PROM1: variants seen among roughly 807,000 people sequenced by gnomAD.
The protein encoded by PROM1 is prominin-1.
Under a neutral mutation model 116.9 loss-of-function variants are expected in PROM1, and 105 were observed. The ratio of observed to expected loss-of-function variants is 0.90; its 90% CI spans 0.77 to 1.06. PROM1 has a LOEUF of 1.06. Ranked by LOEUF, PROM1 falls within the 50% of genes least tolerant of loss-of-function variation. The pLI, the probability that PROM1 is intolerant of heterozygous loss-of-function variation, is 0.00. For synonymous variants in PROM1, 393 were observed against 387.0 expected, an observed-to-expected ratio of 1.02 and a Z score of -0.18; for missense variants, 1,122 against 1,045.2, an observed-to-expected ratio of 1.07 and a Z score of -1.01.
intron 2 of PROM1, among the ~76,000 whole-genome samples, chr4:16,044,482 G>A (rs1389845575): frequency 2.6e-5 from 4 of 152,178 alleles, no homozygotes; most frequent in Admixed American, 6.5e-5. Flanking sequence ...GTGCCTCTCT[G>A]CGGAGAGACC....
chr4:16,022,620 C>T (rs1030140496), intron 8 of PROM1, among the ~76,000 whole-genome samples: 3 of 152,196 alleles, frequency 2.0e-5, no homozygotes. Flanking sequence ...AAGTAAAATT[C>T]ATATTGGCAA....
chr4:16,018,276 A>G, intron 9 of PROM1, 47 bp downstream of exon 9: 1 of 1,585,138 alleles, frequency 6.3e-7, no homozygotes, highest in East Asian at 2.2e-5. Context: ...CTGCCCGGCA[A>G]TCCCCAGCAT....
chr4:15,982,347 G>T (rs1001940946), intron 23 of PROM1, among the ~76,000 whole-genome samples: 1 of 152,138 alleles, frequency 6.6e-6, no homozygotes, highest in Admixed American at 6.5e-5. Context: ...CTAACTTCCA[G>T]TCAATTTGTT....
At chr4:16,050,562 CG>C (rs1560574389) in intron 2 of PROM1, among the ~76,000 whole-genome samples, 1 of 152,078 alleles carries the variant, frequency 6.6e-6, no homozygotes, top group African/African-American at 2.4e-5. Flanking sequence ...TCATGTTGCC[CG>C]GGGTGGTCTC....
intron 12 of PROM1, among the ~76,000 whole-genome samples, chr4:16,008,285 C>T (rs541611874): frequency 4.6e-5 from 7 of 152,310 alleles, no homozygotes; most frequent in Admixed American, 4.6e-4. Flanking sequence ...CCAAGTCCTT[C>T]CCTCCCCAGG....
chr4:15,991,087 C>T, intron 18 of PROM1, 135 bp downstream of exon 18: 1 of 682,486 alleles, frequency 1.5e-6, no homozygotes, highest in Non-Finnish European at 2.5e-6. Flanking sequence ...AACGTAATGA[C>T]ACACACAAGA....
intron 3 of PROM1, among the ~76,000 whole-genome samples, chr4:16,036,069 T>C (rs1283886104): frequency 6.6e-6 from 1 of 152,198 alleles, no homozygotes; most frequent in African/African-American, 2.4e-5. Flanking sequence ...TTACAAATGC[T>C]TAACACACTA....
chr4:16,031,594 A>C (rs1732704334), intron 5 of PROM1, among the ~76,000 whole-genome samples: 1 of 152,176 alleles, frequency 6.6e-6, no homozygotes, highest in Non-Finnish European at 1.5e-5. Flanking sequence ...TTGGAGACAC[A>C]GAGAAAGAGA....
At position 16,005,075 on chromosome 4, in the gene PROM1, G is replaced by A. The variant is rs2149222811; in HGVS notation, c.1454+1463C>T. The stretch of plus-strand genomic sequence containing the variant: ...CCTCCTGGGTTCAGGTGATTCTCGT[G>A]CCTCAGCCTCCCAAGTACCTGGGAT... On this transcript the variant is annotated intron_variant, in intron 13 of 27. Transcript: ENST00000447510. Among the ~76,000 whole-genome samples, 3 of 149,830 alleles carry A rather than the reference G, an allele frequency of 2.0e-5. 1 individual carries two copies. In the Middle Eastern group the frequency reaches 0.01, roughly 517 times the overall value.
At chr4:15,971,786 G>A (rs970939780) in intron 26 of PROM1, 3 of 152,300 alleles carry the variant, frequency 2.0e-5, no homozygotes, top group African/African-American at 7.2e-5. Flanking sequence ...CATGAGGTTG[G>A]GGGAGGACAT....
At chr4:16,012,440 CCT>C (rs1419802478) in intron 11 of PROM1, among the ~76,000 whole-genome samples, 133 of 152,310 alleles carry the variant, frequency 8.7e-4, no homozygotes, top group African/African-American at 3.0e-3. Flanking sequence ...TGGGTAGAAT[CCT>C]CTCTACATTG....
At chr4:16,033,583 GTTC>G in intron 4 of PROM1, 74 bp from the exon 5 acceptor site, 2 of 265,646 alleles carry the variant, frequency 7.5e-6, no homozygotes, top group Non-Finnish European at 1.2e-5. Context: ...GGTGTACAAA[GTTC>G]TTTTTTTTTT....
intron 26 of PROM1, among the ~76,000 whole-genome samples, chr4:15,972,175 C>T (rs1714730393): frequency 6.6e-6 from 1 of 152,190 alleles, no homozygotes; most frequent in African/African-American, 2.4e-5. Context: ...GTATATCCAT[C>T]CTATCCTGGA....
At chr4:15,983,433 A>C (rs972249210) in intron 23 of PROM1, among the ~76,000 whole-genome samples, 7 of 152,138 alleles carry the variant, frequency 4.6e-5, no homozygotes, top group Non-Finnish European at 7.4e-5. Flanking sequence ...TTTCATTCAG[A>C]GTTGATGTTC....
intron 8 of PROM1, among the ~76,000 whole-genome samples, chr4:16,021,295 G>A (rs559521724): frequency 5.9e-5 from 9 of 152,130 alleles, no homozygotes; most frequent in African/African-American, 1.4e-4. Context: ...CTAAAATTCA[G>A]TTACTAAAAA....
intron 2 of PROM1, among the ~76,000 whole-genome samples, chr4:16,057,433 T>C (rs1739311027): frequency 6.6e-6 from 1 of 152,228 alleles, no homozygotes; most frequent in South Asian, 2.1e-4. Context: ...TTCGGGAACT[T>C]AGAGACTCCT....
Position 16,033,383 on chromosome 4 carries a change from G to A in PROM1, c.430C>T (p.His144Tyr). The A allele has an allele frequency of 6.2e-7, 1 of 1,613,766 alleles. No individual in the cohort carries two copies. The highest frequency in any genetic ancestry group is 8.5e-7 in the Non-Finnish European group (1 of 1,179,820). The change falls in exon 5 of 28, where the codon CAC becomes TAC. Residue 144 changes from histidine (H) to tyrosine (Y), a missense_variant. Physicochemically the swap from His to Tyr is moderately conservative, Grantham distance 83 (BLOSUM62 2). Coordinates refer to ENST00000447510, the MANE Select transcript of PROM1 (RefSeq NM_006017.3). ...GGCCCATTTTCCTTCTGTCGCTGGT[G>A]CATTTCTCCACCACATTTGTTACAG... is the stretch of plus-strand genomic sequence containing the variant. ...RCCNKCGGEM[H>Y]QRQKENGPFL... is the part of the protein sequence containing the mutation.
chr4:16,039,470 G>A (rs1398205808), intron 2 of PROM1, among the ~76,000 whole-genome samples: 2 of 152,216 alleles, frequency 1.3e-5, no homozygotes, highest in Non-Finnish European at 2.9e-5. Context: ...GGATGCCGTG[G>A]CTCACACCCG....
At chr4:16,042,117 A>G (rs1735448929) in intron 2 of PROM1, among the ~76,000 whole-genome samples, 1 of 152,120 alleles carries the variant, frequency 6.6e-6, no homozygotes, top group Non-Finnish European at 1.5e-5. Flanking sequence ...CCTGGCCAGC[A>G]TTTTCTCTGA....
Sources: allele counts gnomAD v4.1 joint callset (sites outside exome capture counted in the v4.1 genomes callset), GRCh38; gene constraint gnomAD v4.1.1; transcripts MANE v1.5; gene names NCBI Gene and HGNC (gene_info 2026-07-23, HGNC 2026-07-21).